GPR158: variants seen among roughly 807,000 people sequenced by gnomAD.
The protein encoded by GPR158 is G protein-coupled receptor 158, also known as metabotropic glycine receptor.
Under a neutral mutation model 78.2 loss-of-function variants are expected in GPR158, and 30 were observed. That is an observed-to-expected ratio of 0.38 (90% CI 0.29 to 0.52). The LOEUF (loss-of-function observed/expected upper bound fraction) is 0.52. GPR158 is among the 20% of genes least tolerant of loss of function. GPR158 has a pLI of 0.83. For missense variants in GPR158, 1,463 were observed against 1,523.5 expected, an observed-to-expected ratio of 0.96 and a Z score of 0.66; for synonymous variants, 581 against 591.1, an observed-to-expected ratio of 0.98 and a Z score of 0.25.
chr10:25,406,919 C>T (rs966256873), intron 3 of GPR158, among the ~76,000 whole-genome samples: 2 of 152,066 alleles, frequency 1.3e-5, no homozygotes, highest in Admixed American at 1.3e-4. Flanking sequence ...TAGTCACTTG[C>T]AACATTTTAC....
intron 2 of GPR158, among the ~76,000 whole-genome samples, chr10:25,291,922 T>C (rs1854442840): frequency 6.6e-6 from 1 of 152,120 alleles, no homozygotes; most frequent in South Asian, 2.1e-4. Context: ...TATCTGATGT[T>C]TGTGCAGCTT....
chr10:25,214,624 C>T (rs546213471), intron 1 of GPR158, among the ~76,000 whole-genome samples: 1 of 152,094 alleles, frequency 6.6e-6, no homozygotes, highest in African/African-American at 2.4e-5. Flanking sequence ...TGATATGTTG[C>T]ACTCCTAACC....
At chr10:25,212,134 G>T (rs1853139936) in intron 1 of GPR158, among the ~76,000 whole-genome samples, 1 of 152,110 alleles carries the variant, frequency 6.6e-6, no homozygotes, top group South Asian at 2.1e-4. Flanking sequence ...AATGGCATGT[G>T]TGTCAGTCTA....
chr10:25,493,731 A>C (rs1041140725), intron 5 of GPR158, among the ~76,000 whole-genome samples: 1 of 152,234 alleles, frequency 6.6e-6, no homozygotes, highest in Non-Finnish European at 1.5e-5. Flanking sequence ...AACCATATAG[A>C]TTAGTAAATT....
chr10:25,210,309 C>T (rs1284934500), intron 1 of GPR158, among the ~76,000 whole-genome samples: 5 of 152,130 alleles, frequency 3.3e-5, no homozygotes, highest in Non-Finnish European at 5.9e-5. Flanking sequence ...ACAACCAATC[C>T]GTTTCTCTAC....
At chr10:25,531,410 A>T (rs1255279262) in intron 5 of GPR158, among the ~76,000 whole-genome samples, 1 of 152,240 alleles carries the variant, frequency 6.6e-6, no homozygotes, top group African/African-American at 2.4e-5. Flanking sequence ...AAAAGTGAAT[A>T]GGAGGAAGAC....
chr10:25,187,907 C>T (rs548956118), intron 1 of GPR158, among the ~76,000 whole-genome samples: 18 of 152,258 alleles, frequency 1.2e-4, no homozygotes, highest in Admixed American at 5.2e-4. Flanking sequence ...CCAAAATCTC[C>T]GTAAGCTGAT....
rs1044648398 is a variant in GPR158, at chr10:25,594,109, A to G, written c.1893-183A>G. The G allele has an allele frequency of 9.7e-6, 5 of 517,246 alleles. No individual in the cohort carries two copies. In the South Asian group the frequency reaches 9.7e-5, roughly 10 times the overall value. The allele number at this position is 517,246 out of a possible 1,614,324, so 32.0% of individuals were successfully genotyped here. A position where few individuals can be genotyped will look rare whatever the true frequency, so the allele number is the denominator to read the frequency against. On this transcript the variant is annotated intron_variant, in intron 8 of 10. Coordinates refer to ENST00000376351, the MANE Select transcript of GPR158 (RefSeq NM_020752.3). Reference sequence around the variant, plus strand: ...TAAAATCATAATAAAGGGTTCATATATTATGCATCAAATTAAGCTTAGACT... The same window carrying G: ...TAAAATCATAATAAAGGGTTCATATGTTATGCATCAAATTAAGCTTAGACT...
chr10:25,308,158 T>C (rs1344081714), intron 2 of GPR158, among the ~76,000 whole-genome samples: 1 of 152,210 alleles, frequency 6.6e-6, no homozygotes, highest in South Asian at 2.1e-4. Context: ...TTTATTATTT[T>C]ATTTTATTTT....
chr10:25,258,809 G>A (rs534312326), intron 2 of GPR158, among the ~76,000 whole-genome samples: 2 of 152,172 alleles, frequency 1.3e-5, no homozygotes, highest in East Asian at 1.9e-4. Flanking sequence ...TGTAACTTTC[G>A]ATTCCCAAAA....
intron 2 of GPR158, among the ~76,000 whole-genome samples, chr10:25,345,446 AT>A (rs1855359397): frequency 1.3e-5 from 2 of 151,994 alleles, no homozygotes; most frequent in Non-Finnish European, 2.9e-5. Flanking sequence ...CCATATTTCT[AT>A]TAATGTTATA....
intron 2 of GPR158, among the ~76,000 whole-genome samples, chr10:25,241,311 TTTCTC>T (rs760852108): frequency 0.013 from 1,376 of 104,488 alleles, 123 homozygotes; most frequent in African/African-American, 0.05. Context: ...TTTCTTTTCT[TTTCTC>T]TTCTCTTCTC....
intron 5 of GPR158, among the ~76,000 whole-genome samples, chr10:25,484,412 C>T (rs1267476167): frequency 6.6e-6 from 1 of 152,320 alleles, no homozygotes; most frequent in African/African-American, 2.4e-5. Context: ...AAACCACCAT[C>T]ATTGCAGAGA....
chr10:25,508,793 G>A (rs976793634), intron 5 of GPR158, among the ~76,000 whole-genome samples: 10 of 152,134 alleles, frequency 6.6e-5, no homozygotes, highest in African/African-American at 2.4e-4. Flanking sequence ...ATTGCAATTA[G>A]TAATATAAGG....
intron 2 of GPR158, among the ~76,000 whole-genome samples, chr10:25,391,115 G>T (rs1404294589): frequency 6.6e-6 from 1 of 152,264 alleles, no homozygotes; most frequent in Non-Finnish European, 1.5e-5. Context: ...CCTCTGCCTA[G>T]ATTTCAGAGG....
intron 5 of GPR158, among the ~76,000 whole-genome samples, chr10:25,528,458 G>A (rs904750210): frequency 2.6e-5 from 4 of 151,990 alleles, no homozygotes; most frequent in Non-Finnish European, 4.4e-5. Context: ...ATTAATAAGT[G>A]AATTTGTCAG....
intron 5 of GPR158, among the ~76,000 whole-genome samples, chr10:25,505,757 C>T (rs1353796476): frequency 6.6e-6 from 1 of 152,158 alleles, no homozygotes; most frequent in African/African-American, 2.4e-5. Flanking sequence ...AACTACCCCA[C>T]GCCTTCATGC....
chr10:25,345,631 C>G (rs1855362058), intron 2 of GPR158, among the ~76,000 whole-genome samples: 1 of 151,912 alleles, frequency 6.6e-6, no homozygotes, highest in Admixed American at 6.6e-5. Flanking sequence ...TGCTATAAAT[C>G]AACTTGTTTT....
chr10:25,503,360 AAAAT>A (rs1346978164), intron 5 of GPR158, among the ~76,000 whole-genome samples: 1 of 151,866 alleles, frequency 6.6e-6, no homozygotes, highest in Admixed American at 6.6e-5. Flanking sequence ...CTGGGACAAA[AAAAT>A]AATTTAATTC....
Sources: gnomAD v4.1 joint callset for allele counts (sites outside exome capture counted in the v4.1 genomes callset) on GRCh38, gnomAD v4.1.1 for gene constraint, MANE v1.5 for transcripts, NCBI Gene and HGNC (gene_info 2026-07-23, HGNC 2026-07-21) for gene names.